NEBL: variants seen among roughly 807,000 people sequenced by gnomAD.
NEBL encodes the protein LIM and SH3 protein 2.
In NEBL, 122 loss-of-function variants were observed where a neutral mutation model predicts 140.2. The ratio of observed to expected loss-of-function variants is 0.87; its 90% CI spans 0.75 to 1.01. The LOEUF is 1.01. Among genes scored for constraint, NEBL ranks in the 50% least tolerant of loss-of-function variants. NEBL has a pLI of 0.00. For missense variants in NEBL, 1,365 were observed against 1,231.3 expected (o/e 1.11, Z -1.62); for synonymous variants, 436 against 398.9 (o/e 1.09, Z -1.11).
At chr10:20,924,985 A>C (rs1833822384) in intron 4 of NEBL, among the ~76,000 whole-genome samples, 2 of 146,222 alleles carry the variant, frequency 1.4e-5, no homozygotes, top group Admixed American at 6.9e-5. Context: ...GCTCTATACC[A>C]CCTCTCTTAG....
chr10:20,983,961 A>C (rs184642528), intron 3 of NEBL, among the ~76,000 whole-genome samples: 171 of 152,346 alleles, frequency 1.1e-3, no homozygotes, highest in Non-Finnish European at 1.6e-3. Flanking sequence ...AATGACCCTA[A>C]TATATCTATT....
intron 3 of NEBL, among the ~76,000 whole-genome samples, chr10:20,989,832 G>C (rs372783278): frequency 5.3e-5 from 8 of 152,138 alleles, no homozygotes; most frequent in African/African-American, 1.2e-4. Context: ...GCAGAGGTTG[G>C]GGGGTGGGCT....
At chr10:20,891,084 T>C (rs1454685106) in intron 2 of NEBL, among the ~76,000 whole-genome samples, 3 of 152,200 alleles carry the variant, frequency 2.0e-5, no homozygotes, top group Non-Finnish European at 4.4e-5. Context: ...TATACACTAA[T>C]GGTACATGGA....
intron 3 of NEBL, among the ~76,000 whole-genome samples, chr10:21,219,860 GTTT>G (rs11333216): frequency 6.2e-5 from 8 of 128,956 alleles, no homozygotes; most frequent in African/African-American, 2.3e-4. Flanking sequence ...ATTTTCTTGG[GTTT>G]TTTTTTTTTT....
intron 11 of NEBL, among the ~76,000 whole-genome samples, chr10:20,849,980 A>T (rs781434807): frequency 1.3e-5 from 2 of 152,182 alleles, no homozygotes; most frequent in Non-Finnish European, 2.9e-5. Flanking sequence ...GTATTTTAAA[A>T]ATGTTAGTTC....
At chr10:21,056,395 T>C (rs770742431) in intron 2 of NEBL, among the ~76,000 whole-genome samples, 4 of 134,246 alleles carry the variant, frequency 3.0e-5, no homozygotes, top group Non-Finnish European at 6.6e-5. Context: ...AAGTTCCCTG[T>C]TAAAAGCTGG....
At position 20,880,906 on chromosome 10, in the gene NEBL, TG is replaced by T. The variant is rs1348101425; in HGVS notation, c.370-3del. On this transcript the variant is annotated splice_region_variant and splice_polypyrimidine_tract_variant and intron_variant, in intron 4 of 27. Coordinates refer to ENST00000377122, the MANE Select transcript of NEBL (RefSeq NM_006393.3). ...ATCATGTTTCTGCTTGTAGGCCACC[TG>T]AAAAACACAAATAATTTTTAGTCCC... 1 of 1,612,410 alleles carries T rather than the reference TG, an allele frequency of 6.2e-7. No homozygotes were observed. Among genetic ancestry groups the T allele is most frequent in the East Asian group, 2.2e-5 (1 of 44,852 alleles).
At chr10:21,115,599 A>T (rs1564516446) in intron 2 of NEBL, among the ~76,000 whole-genome samples, 2 of 151,832 alleles carry the variant, frequency 1.3e-5, no homozygotes, top group Admixed American at 6.6e-5. Flanking sequence ...ATTGTTTCCA[A>T]CAAGGAGTTC....
At chr10:21,069,947 T>A (rs1252352307) in intron 2 of NEBL, 1 of 455,914 alleles carries the variant, frequency 2.2e-6, no homozygotes, top group Non-Finnish European at 4.4e-6. Flanking sequence ...CCCTATCATG[T>A]ACTTACAGCG....
chr10:21,023,634 GC>G (rs1352874692), intron 2 of NEBL, among the ~76,000 whole-genome samples: 1 of 152,160 alleles, frequency 6.6e-6, no homozygotes, highest in Non-Finnish European at 1.5e-5. Flanking sequence ...GGCGGAGGTT[GC>G]AGTGAGCCGA....
chr10:21,246,413 G>T (rs1348385218), intron 3 of NEBL, among the ~76,000 whole-genome samples: 1 of 152,200 alleles, frequency 6.6e-6, no homozygotes, highest in African/African-American at 2.4e-5. Context: ...GGACGTGAAG[G>T]TTTATAGCAA....
intron 4 of NEBL, among the ~76,000 whole-genome samples, chr10:20,956,180 G>T (rs547334154): frequency 9.2e-5 from 14 of 152,266 alleles, no homozygotes; most frequent in African/African-American, 3.4e-4. Flanking sequence ...AACAAGAAAG[G>T]ACCAAGAGGT....
intron 4 of NEBL, among the ~76,000 whole-genome samples, chr10:20,887,111 G>A (rs565101481): frequency 2.6e-5 from 4 of 152,286 alleles, no homozygotes; most frequent in South Asian, 2.1e-4. Flanking sequence ...CCAGAAAGAG[G>A]TGAAACATTC....
intron 4 of NEBL, among the ~76,000 whole-genome samples, chr10:20,937,606 G>A (rs1211051818): frequency 6.6e-6 from 1 of 152,164 alleles, no homozygotes; most frequent in African/African-American, 2.4e-5. Context: ...GACAGTGGGT[G>A]CAGTGCACCA....
At chr10:20,817,044 C>T (rs1838788231) in intron 21 of NEBL, among the ~76,000 whole-genome samples, 1 of 152,000 alleles carries the variant, frequency 6.6e-6, no homozygotes, top group Non-Finnish European at 1.5e-5. Context: ...CCATAGCACC[C>T]ATCAGCTAGA....
At chr10:21,085,801 A>G (rs990725241) in intron 2 of NEBL, among the ~76,000 whole-genome samples, 5 of 152,150 alleles carry the variant, frequency 3.3e-5, no homozygotes, top group Non-Finnish European at 7.3e-5. Flanking sequence ...TAAATGTAGG[A>G]CCTCATGGCA....
chr10:20,880,641 G>A (rs1464567232), intron 5 of NEBL, among the ~76,000 whole-genome samples, 153 bp downstream of exon 5: 1 of 152,208 alleles, frequency 6.6e-6, no homozygotes, highest in Non-Finnish European at 1.5e-5. Flanking sequence ...ACTGTGGATA[G>A]AATAATTCAG....
intron 13 of NEBL, among the ~76,000 whole-genome samples, chr10:20,839,635 A>T (rs1043892340): frequency 6.6e-6 from 1 of 152,202 alleles, no homozygotes; most frequent in African/African-American, 2.4e-5. Flanking sequence ...TTTTAAACAC[A>T]TAAAAATTTA....
chr10:20,912,170 AAC>A (rs1848355899), intron 4 of NEBL, among the ~76,000 whole-genome samples: 1 of 151,990 alleles, frequency 6.6e-6, no homozygotes, highest in African/African-American at 2.4e-5. Context: ...CTAGATAACC[AAC>A]ACAACTATTT....
Sources: allele counts gnomAD v4.1 joint callset (sites outside exome capture counted in the v4.1 genomes callset), GRCh38; gene constraint gnomAD v4.1.1; transcripts MANE v1.5; gene names NCBI Gene and HGNC (gene_info 2026-07-23, HGNC 2026-07-21).